Variants in WWOX observed in about 807,000 individuals in gnomAD.
The protein encoded by WWOX is WW domain-containing oxidoreductase.
In WWOX, 69 loss-of-function variants were observed where a neutral mutation model predicts 46.2. The observed-to-expected ratio is 1.49, with a 90% CI of 1.23 to 1.82. The LOEUF is 1.82. Ranked by LOEUF, WWOX falls within the 40% of genes most tolerant of loss-of-function variation. The pLI is 0.00. For synonymous variants in WWOX, 359 were observed against 202.6 expected, an observed-to-expected ratio of 1.77 and a Z score of -6.56; for missense variants, 919 against 542.6, an observed-to-expected ratio of 1.69 and a Z score of -6.89.
At chr16:78,891,453 G>A (rs1262881076) in intron 8 of WWOX, 1 of 152,104 alleles carries the variant, frequency 6.6e-6, no homozygotes, top group East Asian at 1.9e-4. Flanking sequence ...AGACCTGCTG[G>A]ACCTGTAGAA....
intron 8 of WWOX, among the ~76,000 whole-genome samples, chr16:79,053,506 G>A (rs767466648): frequency 6.6e-6 from 1 of 152,164 alleles, no homozygotes; most frequent in Non-Finnish European, 1.5e-5. Flanking sequence ...TAATGTAAAT[G>A]TGTTGCTACG....
intron 8 of WWOX, among the ~76,000 whole-genome samples, chr16:78,505,680 C>G (rs1213741608): frequency 4.0e-5 from 6 of 151,782 alleles, no homozygotes; most frequent in Non-Finnish European, 7.3e-5. Context: ...CACCCTCATT[C>G]CCAGTCCTGG....
intron 8 of WWOX, among the ~76,000 whole-genome samples, chr16:79,156,457 A>T (rs932821228): frequency 1.3e-5 from 2 of 152,206 alleles, no homozygotes; most frequent in East Asian, 3.8e-4. Flanking sequence ...CACCGCTCCC[A>T]GCAACAATTG....
chr16:78,386,040 T>C (rs1322192224), intron 5 of WWOX, among the ~76,000 whole-genome samples: 1 of 152,194 alleles, frequency 6.6e-6, no homozygotes, highest in Non-Finnish European at 1.5e-5. Flanking sequence ...TCCCGACCTC[T>C]CCAGTTCTCC....
intron 8 of WWOX, among the ~76,000 whole-genome samples, chr16:78,709,581 C>A (rs902629385): frequency 6.6e-6 from 1 of 152,130 alleles, no homozygotes; most frequent in Non-Finnish European, 1.5e-5. Flanking sequence ...CACTGCCCTG[C>A]TAAGGGGTTT....
At chr16:79,154,525 T>C (rs942171617) in intron 8 of WWOX, among the ~76,000 whole-genome samples, 2 of 140,520 alleles carry the variant, frequency 1.4e-5, no homozygotes, top group African/African-American at 5.2e-5. Context: ...AAAAAAGAGG[T>C]GAATTTAGTT....
At chr16:78,126,585 C>T (rs192185785) in intron 4 of WWOX, among the ~76,000 whole-genome samples, 1 of 152,160 alleles carries the variant, frequency 6.6e-6, no homozygotes. Flanking sequence ...TCAAAATGTC[C>T]CTTAGAAGTT....
intron 8 of WWOX, among the ~76,000 whole-genome samples, chr16:78,961,065 C>T (rs978213183): frequency 6.6e-6 from 1 of 152,206 alleles, no homozygotes; most frequent in South Asian, 2.1e-4. Context: ...GACCCTCAGG[C>T]CCTTGAGACT....
chr16:79,132,062 C>G (rs1038919709), intron 8 of WWOX, among the ~76,000 whole-genome samples: 2 of 151,770 alleles, frequency 1.3e-5, no homozygotes, highest in African/African-American at 2.4e-5. Flanking sequence ...ATGGGAGATA[C>G]AAGATGAGAT....
At position 79,194,873 on chromosome 16, in the gene WWOX, C is replaced by G. The variant is rs139689583; in HGVS notation, c.1057-16735C>G. On this transcript the variant is annotated intron_variant, in intron 8 of 8. Coordinates refer to ENST00000566780, the MANE Select transcript of WWOX (RefSeq NM_016373.4). ...ACGTCTAAGCAGATGCTCCCAGAGT[C>G]TATGCTTTTTTCCCCCATGCCATAC... Among the ~76,000 whole-genome samples the G allele has an allele frequency of 2.0e-3, 299 of 152,252 alleles. 1 individual carries two copies. The highest frequency in any genetic ancestry group is 6.7e-3 in the African/African-American group (278 of 41,550).
intron 8 of WWOX, among the ~76,000 whole-genome samples, chr16:79,046,312 T>C (rs2048064709): frequency 6.6e-6 from 1 of 152,200 alleles, no homozygotes; most frequent in African/African-American, 2.4e-5. Flanking sequence ...CACCAGCACA[T>C]AGTAGATGAT....
intron 8 of WWOX, among the ~76,000 whole-genome samples, chr16:78,536,403 C>A (rs532068627): frequency 1.6e-4 from 24 of 151,878 alleles, no homozygotes; most frequent in African/African-American, 5.6e-4. Context: ...ATGTAATCTG[C>A]CCCGGGGTCC....
At chr16:78,633,553 T>A (rs1448482343) in intron 8 of WWOX, among the ~76,000 whole-genome samples, 1 of 152,208 alleles carries the variant, frequency 6.6e-6, no homozygotes, top group Non-Finnish European at 1.5e-5. Flanking sequence ...AACCTTTCAC[T>A]GTGCGGGTTT....
At chr16:78,775,486 C>T (rs1185881524) in intron 8 of WWOX, among the ~76,000 whole-genome samples, 1 of 152,104 alleles carries the variant, frequency 6.6e-6, no homozygotes, top group Non-Finnish European at 1.5e-5. Context: ...CTTGTTGAAA[C>T]AGAGAAGTCA....
intron 8 of WWOX, among the ~76,000 whole-genome samples, chr16:78,865,223 C>T (rs2043977970): frequency 1.3e-5 from 2 of 152,152 alleles, no homozygotes; most frequent in Non-Finnish European, 2.9e-5. Context: ...AGGATGCGAT[C>T]AGTTTTTTTT....
chr16:78,808,224 C>G (rs1005501075), intron 8 of WWOX, among the ~76,000 whole-genome samples: 3 of 152,170 alleles, frequency 2.0e-5, no homozygotes, highest in Admixed American at 6.5e-5. Flanking sequence ...CTGTGATACC[C>G]ATAGGGACCC....
At chr16:78,366,450 A>G (rs944687111) in intron 5 of WWOX, among the ~76,000 whole-genome samples, 1 of 152,168 alleles carries the variant, frequency 6.6e-6, no homozygotes, top group Non-Finnish European at 1.5e-5. Flanking sequence ...ATGGCATGAC[A>G]TTCTCCTTTC....
At chr16:78,449,807 T>A (rs74030271) in intron 8 of WWOX, among the ~76,000 whole-genome samples, 11,133 of 152,232 alleles carry the variant, frequency 0.073, 496 homozygotes, top group East Asian at 0.2. Context: ...GAAGGGGCCC[T>A]TGTTAATCGA....
chr16:78,712,884 G>C (rs1171174734), intron 8 of WWOX, among the ~76,000 whole-genome samples: 1 of 152,048 alleles, frequency 6.6e-6, no homozygotes, highest in African/African-American at 2.4e-5. Context: ...ATTTAATTAG[G>C]TTCTCTGTTT....
Sources: gnomAD v4.1 joint callset for allele counts (sites outside exome capture counted in the v4.1 genomes callset) on GRCh38, gnomAD v4.1.1 for gene constraint, MANE v1.5 for transcripts, NCBI Gene and HGNC (gene_info 2026-07-23, HGNC 2026-07-21) for gene names.